Variants in IFNLR1 observed in about 807,000 individuals in gnomAD.
IFNLR1 encodes CRF2-12.
Under a neutral mutation model 52.5 loss-of-function variants are expected in IFNLR1, and 28 were observed. The ratio of observed to expected loss-of-function variants is 0.53; its 90% CI spans 0.40 to 0.73. The LOEUF is 0.73. Among genes scored for constraint, IFNLR1 ranks in the 30% least tolerant of loss-of-function variants. The pLI, the probability that IFNLR1 is intolerant of heterozygous loss-of-function variation, is 0.00. For synonymous variants in IFNLR1, 276 were observed against 274.9 expected (o/e 1.00, Z -0.04); for missense variants, 623 against 659.1 (o/e 0.95, Z 0.60).
At chr1:24,159,433 C>G (rs1184762809) in intron 5 of IFNLR1, 41 bp downstream of exon 5, 1 of 1,589,756 alleles carries the variant, frequency 6.3e-7, no homozygotes, top group Admixed American at 1.7e-5. Context: ...CTCCCAAGGC[C>G]CAGAGGGAAA....
At chr1:24,174,705 G>A (rs1644614962) in intron 2 of IFNLR1, among the ~76,000 whole-genome samples, 1 of 152,150 alleles carries the variant, frequency 6.6e-6, no homozygotes, top group Admixed American at 6.5e-5. Flanking sequence ...CATAAACTTG[G>A]ATGCTTAGCA....
In IFNLR1 at chr1:24,164,660, C is replaced by A. The variant is rs144003992; in HGVS notation, c.368-2976G>T. Among the ~76,000 whole-genome samples the A allele has an allele frequency of 5.9e-5, 9 of 152,286 alleles. No homozygotes were observed. In the East Asian group the frequency reaches 1.7e-3, roughly 29 times the overall value. ...TTATAATCTTAATCTCTTCAAAGAG[C>A]CTTTTGAGCGACTGAGTACTTTGAT... On this transcript the variant is annotated intron_variant, in intron 3 of 6. Coordinates refer to ENST00000327535, the MANE Select transcript of IFNLR1 (RefSeq NM_170743.4).
At position 24,187,141 on chromosome 1, in the gene IFNLR1, C is replaced by T. The variant is rs1421510849; in HGVS notation, c.58+50G>A. On this transcript the variant is annotated intron_variant, in intron 1 of 6. Coordinates refer to ENST00000327535, the MANE Select transcript of IFNLR1 (RefSeq NM_170743.4). ...TCCGGGTCCGAGGGTAGGCGCGGCC[C>T]GGCCCGGGGAGCCCTCTTCCCCCTC... The T allele has an allele frequency of 1.5e-5, 19 of 1,241,978 alleles. No individual in the cohort carries two copies. In the Admixed American group the frequency reaches 3.9e-4, roughly 25 times the overall value. The allele number at this position is 1,241,978 out of a possible 1,614,324, so 76.9% of individuals were successfully genotyped here.
chr1:24,168,626 A>G (rs1644543498), intron 3 of IFNLR1, among the ~76,000 whole-genome samples: 1 of 152,012 alleles, frequency 6.6e-6, no homozygotes, highest in Non-Finnish European at 1.5e-5. Context: ...CAATGTCAAT[A>G]CATGATTTCT....
Position 24,157,325 on chromosome 1 carries a change from C to T in IFNLR1, c.1368G>A (p.Pro456=), listed in dbSNP as rs746041498. 62 of 1,614,058 alleles carry T rather than the reference C, an allele frequency of 3.8e-5. No individual in the cohort carries two copies. The highest frequency in any genetic ancestry group is 2.6e-4 in the South Asian group (24 of 91,086). Residue 456 remains proline (P), a synonymous_variant, in exon 7 of 7, where the codon CCG becomes CCA. Transcript: ENST00000327535. The surrounding 1 kb of genome is among the most constrained non-coding windows in gnomAD (Gnocchi z 5.1). The part of the protein sequence containing the change: ...SSWATWGTLP[P]EPNLVPGGPP... ...GTCCCCCAGGGACCAGATTCGGCTC[C>T]GGTGGTAAGGTGCCCCAGGTGGCCC...
At chr1:24,162,876 TTTCCTTCCTTCCTTCCTTCCTTCC>T (rs752104875) in intron 3 of IFNLR1, among the ~76,000 whole-genome samples, 8 of 22,590 alleles carry the variant, frequency 3.5e-4, no homozygotes, top group South Asian at 1.9e-3. Context: ...TCTTTCTTTC[TTTCCTTCCTTCCTTCCTTCCTTCC>T]TTCCTTCCTT....
At chr1:24,169,372 A>C in intron 3 of IFNLR1, 45 bp downstream of exon 3, 1 of 1,556,160 alleles carries the variant, frequency 6.4e-7, no homozygotes, top group Non-Finnish European at 8.8e-7. Context: ...CAGCTCCCCG[A>C]TGGGATGGAC....
Position 24,180,816 on chromosome 1 carries a change from G to C in IFNLR1, c.97C>G (p.Leu33Val). ...AGGTACACGCTGAAGTTCTGGGAGA[G>C]CAGCGTCACATTCTGGGGAGGGGCC... ...RLAPPQNVTL[L>V]SQNFSVYLTW... The change falls in exon 2 of 7, where the codon CTC becomes GTC. Residue 33 changes from leucine to valine, a missense_variant. By Grantham distance (32) the Leu-to-Val change is conservative. Coordinates refer to ENST00000327535, the MANE Select transcript of IFNLR1 (RefSeq NM_170743.4). 1 of 1,613,920 alleles carries C rather than the reference G, an allele frequency of 6.2e-7. No homozygotes were observed. The highest frequency in any genetic ancestry group is 8.5e-7 in the Non-Finnish European group (1 of 1,179,832).
chr1:24,177,268 TC>T (rs1362733813), intron 2 of IFNLR1, among the ~76,000 whole-genome samples: 20 of 152,150 alleles, frequency 1.3e-4, no homozygotes, highest in African/African-American at 4.3e-4. Flanking sequence ...CAAGGCGAAG[TC>T]CCACGATAGG....
In IFNLR1 at chr1:24,157,773, C is replaced by T. The variant is rs1193002719; in HGVS notation, c.920G>A (p.Arg307Gln). The T allele has an allele frequency of 9.3e-6, 15 of 1,614,058 alleles. No individual in the cohort carries two copies. Among genetic ancestry groups the T allele is most frequent in the East Asian group, 8.9e-5 (4 of 44,880 alleles). The change falls in exon 7 of 7, where the codon CGA (arginine) becomes CAA (glutamine). Residue 307 changes from arginine to glutamine, a missense_variant. Arg to Gln is a conservative substitution (Grantham distance 43). Transcript: ENST00000327535. The surrounding 1 kb of genome is among the most constrained non-coding windows in gnomAD (Gnocchi z 5.1). Reference protein sequence around the residue: ...ELTRGVRPTPRVRAPATQQTR... With the variant: ...ELTRGVRPTPQVRAPATQQTR... The stretch of plus-strand genomic sequence containing the variant: ...CTGTTGGGTGGCTGGGGCCCTGACT[C>T]GAGGCGTCGGCCTGACCCCTCTGGT...
In IFNLR1 at chr1:24,157,683, C is replaced by A; in HGVS notation, c.1010G>T (p.Gly337Val). Residue 337 changes from glycine (G) to valine (V), a missense_variant, in exon 7 of 7, where the codon GGC (glycine) becomes GTC (valine). Coordinates refer to ENST00000327535, the MANE Select transcript of IFNLR1 (RefSeq NM_170743.4). The surrounding 1 kb of genome is among the most constrained non-coding windows in gnomAD (Gnocchi z 5.1). ...TTCAATGTAGGGCTGGAAGCTGACG[C>A]CATCTTCTGTGTCCTCCTCATCCTC... is the stretch of plus-strand genomic sequence containing the variant. ...EEEDEEDTEDGVSFQPYIEPP... is the reference protein window; with the variant it reads ...EEEDEEDTEDVVSFQPYIEPP... 1 of 1,613,284 alleles carries A rather than the reference C, an allele frequency of 6.2e-7. No individual in the cohort carries two copies. Among genetic ancestry groups the A allele is most frequent in the Non-Finnish European group, 8.5e-7 (1 of 1,179,698 alleles).
chr1:24,158,569 A>G (rs1357464211), intron 6 of IFNLR1, among the ~76,000 whole-genome samples: 1 of 152,098 alleles, frequency 6.6e-6, no homozygotes, highest in Non-Finnish European at 1.5e-5. Flanking sequence ...GGGCCGACCT[A>G]TATCACCTCC....
In IFNLR1 at chr1:24,161,671, TG is replaced by T; in HGVS notation, c.380del (p.Pro127HisfsTer13). 1.3e-6 allele frequency: 2 copies of T among 1,507,630 alleles called. No individual in the cohort carries two copies. The highest frequency in any genetic ancestry group is 4.9e-5 in the East Asian group (2 of 40,464). 93.4% of individuals were successfully genotyped at this position (1,507,630 alleles called of 1,614,324 possible). A position where few individuals can be genotyped will look rare whatever the true frequency, so the allele number is the denominator to read the frequency against. On this transcript the variant is annotated frameshift_variant, in exon 4 of 7. Coordinates refer to ENST00000327535, the MANE Select transcript of IFNLR1 (RefSeq NM_170743.4). LOFTEE classifies it high-confidence loss of function. The stretch of plus-strand genomic sequence containing the variant: ...CCGTCTGGGTGAGCACCAGGACAGG[TG>T]GGGCCGGCTCCACTGCAGAAACAGA... ...LDYLFEVEPA[P>X]PVLVLTQTEE... is the part of the protein sequence containing the mutation.
At chr1:24,178,870 GA>G (rs1644660375) in intron 2 of IFNLR1, among the ~76,000 whole-genome samples, 1 of 142,592 alleles carries the variant, frequency 7.0e-6, no homozygotes, top group Admixed American at 6.7e-5. Context: ...ACTAACAAAT[GA>G]AAAAAATTAT....
At chr1:24,163,784 G>A (rs12031753) in intron 3 of IFNLR1, among the ~76,000 whole-genome samples, 32,829 of 151,820 alleles carry the variant, frequency 0.22, 3,883 homozygotes, top group East Asian at 0.5. Flanking sequence ...TCTCCATGGT[G>A]GTCAGGCTGG....
At chr1:24,162,763 TC>T (rs1171461576) in intron 3 of IFNLR1, among the ~76,000 whole-genome samples, 4,316 of 30,958 alleles carry the variant, frequency 0.14, 336 homozygotes, top group African/African-American at 0.16. Context: ...TTTCTTTCTT[TC>T]TTTCTTTCTT....
At chr1:24,158,091 G>C (rs551835597) in intron 6 of IFNLR1, among the ~76,000 whole-genome samples, 200 bp from the exon 7 acceptor site, 1 of 152,316 alleles carries the variant, frequency 6.6e-6, no homozygotes, top group East Asian at 1.9e-4. Flanking sequence ...CTGACCACTA[G>C]GGCTACTGGC....
chr1:24,163,799 G>A (rs535010416), intron 3 of IFNLR1, among the ~76,000 whole-genome samples: 2 of 152,066 alleles, frequency 1.3e-5, no homozygotes, highest in Non-Finnish European at 2.9e-5. Flanking sequence ...GGCTGGTCTC[G>A]AACTGCCGAC....
At chr1:24,182,346 C>T (rs1644699666) in intron 1 of IFNLR1, among the ~76,000 whole-genome samples, 1 of 152,192 alleles carries the variant, frequency 6.6e-6, no homozygotes, top group Non-Finnish European at 1.5e-5. Flanking sequence ...GCCCTTGTCC[C>T]AAGGTGGATG....
Sources: allele counts gnomAD v4.1 joint callset (sites outside exome capture counted in the v4.1 genomes callset), GRCh38; gene constraint gnomAD v4.1.1; non-coding constraint Gnocchi (gnomAD v3.1); transcripts MANE v1.5; gene names NCBI Gene and HGNC (gene_info 2026-07-23, HGNC 2026-07-21).